NCOR1: variants seen among roughly 807,000 people sequenced by gnomAD.
NCOR1 encodes nuclear receptor corepressor 1.
NCOR1 carries 63 observed loss-of-function variants against 288.1 expected under a neutral mutation model. That is an observed-to-expected ratio of 0.22 (90% CI 0.18 to 0.27). The LOEUF is 0.27. Ranked by LOEUF, NCOR1 falls within the 10% of genes least tolerant of loss-of-function variation. The probability of loss-of-function intolerance (pLI) is 1.00; values close to 1 mark genes in which losing one functional copy is unlikely to be tolerated. For synonymous variants in NCOR1, 1,007 were observed against 1,065.9 expected (o/e 0.94, Z 1.08); for missense variants, 2,397 against 3,019.2 (o/e 0.79, Z 4.83).
intron 1 of NCOR1, among the ~76,000 whole-genome samples, chr17:16,197,897 C>A (rs1441857339): frequency 1.3e-5 from 2 of 152,096 alleles, no homozygotes; most frequent in Non-Finnish European, 2.9e-5. Flanking sequence ...CCTCGCCCTT[C>A]TTCTCCAGCT....
At chr17:16,204,785 A>G (rs1240397460) in intron 1 of NCOR1, among the ~76,000 whole-genome samples, 2 of 152,220 alleles carry the variant, frequency 1.3e-5, no homozygotes, top group Admixed American at 1.3e-4. Context: ...CATTATCTCC[A>G]TTTTACAAAT....
chr17:16,157,958 A>T (rs2153415031), intron 6 of NCOR1, among the ~76,000 whole-genome samples: 1 of 152,208 alleles, frequency 6.6e-6, no homozygotes, highest in Admixed American at 6.5e-5. Context: ...TAAAGGTCAA[A>T]ATCTACCTTG....
At chr17:16,071,688 A>G (rs758328594) in intron 29 of NCOR1, 23 bp from the exon 30 acceptor site, 1 of 1,598,908 alleles carries the variant, frequency 6.3e-7, no homozygotes, top group East Asian at 2.2e-5. Context: ...TTCAGGAAAC[A>G]TTAAAATAAT....
At chr17:16,084,940 A>G (rs892835630) in intron 23 of NCOR1, among the ~76,000 whole-genome samples, 1 of 152,206 alleles carries the variant, frequency 6.6e-6, no homozygotes, top group African/African-American at 2.4e-5. Flanking sequence ...AGGAGAAAAA[A>G]GTGTGTATAT....
At position 16,048,985 on chromosome 17, in the gene NCOR1, C is replaced by T. The variant is rs115005688; in HGVS notation, c.6396G>A (p.Arg2132=). The change falls in exon 41 of 46, where the codon AGG becomes AGA. Residue 2132 remains arginine, a synonymous_variant. Coordinates refer to ENST00000268712, the MANE Select transcript of NCOR1 (RefSeq NM_006311.4). ...ENLVDKSRGS[R]PGKSPERSHV... ...GACTCCTCTCTGGGGATTTTCCAGG[C>T]CTACTATTGTAATATGTGAAATATT... 7.0e-4 allele frequency: 1,125 copies of T among 1,605,118 alleles called. 6 individuals carry two copies. The African/African-American group carries it at 0.012, about 17-fold the overall frequency.
intron 8 of NCOR1, among the ~76,000 whole-genome samples, 189 bp from the exon 9 acceptor site, chr17:16,149,706 C>CTA (rs1568337927): frequency 6.6e-6 from 1 of 152,128 alleles, no homozygotes; most frequent in Non-Finnish European, 1.5e-5. Flanking sequence ...TTAGAACTGA[C>CTA]TAAAGTTCCT....
At chr17:16,189,455 A>G (rs2087599421) in intron 2 of NCOR1, among the ~76,000 whole-genome samples, 1 of 152,202 alleles carries the variant, frequency 6.6e-6, no homozygotes, top group South Asian at 2.1e-4. Flanking sequence ...CACTGAAGGT[A>G]AACAATAGTT....
intron 3 of NCOR1, among the ~76,000 whole-genome samples, chr17:16,185,550 G>A (rs918323839): frequency 4.6e-5 from 7 of 151,796 alleles, no homozygotes; most frequent in Non-Finnish European, 7.4e-5. Flanking sequence ...TGGGTGTGGT[G>A]TGTATGCCTG....
chr17:16,190,276 G>T (rs1475563698), intron 2 of NCOR1, among the ~76,000 whole-genome samples: 7 of 151,984 alleles, frequency 4.6e-5, no homozygotes, highest in Non-Finnish European at 1.0e-4. Flanking sequence ...AAGTTTTAAG[G>T]CTACTAACTT....
chr17:16,038,901 C>T (rs1037970177), intron 44 of NCOR1, among the ~76,000 whole-genome samples: 2 of 151,986 alleles, frequency 1.3e-5, no homozygotes, highest in African/African-American at 4.8e-5. Flanking sequence ...CTCCTGAGTA[C>T]CTGGGATTAC....
chr17:16,129,461 C>T (rs1007689281), intron 14 of NCOR1, among the ~76,000 whole-genome samples: 1 of 152,202 alleles, frequency 6.6e-6, no homozygotes, highest in Non-Finnish European at 1.5e-5. Context: ...CCCTGGCTAA[C>T]TGCCAGTTCC....
intron 42 of NCOR1, chr17:16,041,048 G>A (rs2057466059): frequency 6.5e-6 from 1 of 153,426 alleles, no homozygotes; most frequent in South Asian, 2.0e-4. Context: ...CAACAGGTTT[G>A]AGGCAGCCTG....
chr17:16,145,089 C>T (rs1429940271), intron 10 of NCOR1, among the ~76,000 whole-genome samples: 1 of 152,146 alleles, frequency 6.6e-6, no homozygotes, highest in Non-Finnish European at 1.5e-5. Flanking sequence ...TTGGTGGAGA[C>T]GGGGTTTCGC....
intron 40 of NCOR1, among the ~76,000 whole-genome samples, chr17:16,049,868 C>G (rs184553820): frequency 1.4e-3 from 210 of 152,194 alleles, no homozygotes; most frequent in African/African-American, 4.8e-3. Flanking sequence ...TGAGCTACCG[C>G]ACCTGGCCCA....
At chr17:16,136,806 CAAAAAAAAAAAAA>C (rs60523446) in intron 14 of NCOR1, among the ~76,000 whole-genome samples, 8 of 111,814 alleles carry the variant, frequency 7.2e-5, no homozygotes, top group East Asian at 3.8e-4. Context: ...GACTCTGTTT[CAAAAAAAAAAAAA>C]AAAAAAAAAG....
intron 1 of NCOR1, among the ~76,000 whole-genome samples, chr17:16,197,581 A>C (rs547975672): frequency 2.1e-4 from 32 of 152,348 alleles, no homozygotes; most frequent in African/African-American, 6.3e-4. Context: ...AGAAATCTGA[A>C]GATCAGAGAA....
chr17:16,101,479 A>G lies in NCOR1; in HGVS notation c.2461T>C (p.Ser821Pro). 6.2e-7 allele frequency: 1 copy of G among 1,614,176 alleles called. No homozygotes were observed. The highest frequency in any genetic ancestry group is 2.2e-5 in the East Asian group (1 of 44,892). ...CDPPPATKAD[S>P]VDVEVRVPEN... ...GGCACCCTCACTTCAACGTCCACAGAGTCAGCTTTGGTAGCGGGTGGGGGA... is the reference window on the plus strand; with the variant it reads ...GGCACCCTCACTTCAACGTCCACAGGGTCAGCTTTGGTAGCGGGTGGGGGA... The change falls in exon 20 of 46, where the codon TCT becomes CCT. Residue 821 changes from serine (S) to proline (P), a missense_variant. By Grantham distance (74) the Ser-to-Pro change is moderately conservative. Coordinates refer to ENST00000268712, the MANE Select transcript of NCOR1 (RefSeq NM_006311.4).
In NCOR1 at chr17:16,086,181, A is replaced by T. The variant is rs2064198080; in HGVS notation, c.3177+101T>A. 8.9e-6 allele frequency: 11 copies of T among 1,237,420 alleles called. No individual in the cohort carries two copies. The South Asian group carries it at 1.4e-4, about 16-fold the overall frequency. 76.7% of individuals were successfully genotyped at this position (1,237,420 alleles called of 1,614,324 possible). Reference sequence around the variant, plus strand: ...TTGAAACTTCATATTCAGACAGATTATTATTTATTACAACTCTGACAAATC... The same window carrying T: ...TTGAAACTTCATATTCAGACAGATTTTTATTTATTACAACTCTGACAAATC... On this transcript the variant is annotated intron_variant, in intron 23 of 45. Coordinates refer to ENST00000268712, the MANE Select transcript of NCOR1 (RefSeq NM_006311.4).
intron 8 of NCOR1, among the ~76,000 whole-genome samples, chr17:16,150,459 C>T (rs2078671334): frequency 6.6e-6 from 1 of 152,120 alleles, no homozygotes; most frequent in African/African-American, 2.4e-5. Context: ...GAAGCATTAC[C>T]ATATACTCAG....
Sources: allele counts gnomAD v4.1 joint callset (sites outside exome capture counted in the v4.1 genomes callset), GRCh38; gene constraint gnomAD v4.1.1; transcripts MANE v1.5; gene names NCBI Gene and HGNC (gene_info 2026-07-23, HGNC 2026-07-21).